The following TRMT44 variants were observed in gnomAD, a reference collection of about 807,000 sequenced individuals.
TRMT44 encodes tRNA methyltransferase 44 homolog.
A neutral mutation model predicts 77.3 loss-of-function variants in TRMT44; 78 were observed. That is an observed-to-expected ratio of 1.01 (90% CI 0.84 to 1.22). The LOEUF (loss-of-function observed/expected upper bound fraction) is 1.22. Ranked by LOEUF, TRMT44 falls within the 50% of genes most tolerant of loss-of-function variation. The probability of loss-of-function intolerance (pLI) is 0.00; values close to 1 mark genes in which losing one functional copy is unlikely to be tolerated. For synonymous variants in TRMT44, 391 were observed against 383.3 expected (o/e 1.02, Z -0.23); for missense variants, 1,090 against 964.4 (o/e 1.13, Z -1.73).
rs2109137110 is a variant in TRMT44 at position 8,461,184 on chromosome 4, CTTTG to C, written c.1204-2797_1204-2794del. On this transcript the variant is annotated intron_variant, in intron 6 of 10. Coordinates refer to ENST00000389737, the MANE Select transcript of TRMT44 (RefSeq NM_152544.3). The surrounding 1 kb of genome is among the most constrained non-coding windows in gnomAD (Gnocchi z 4.6). ...TCTTTGCTTGTACATTTACTCTTTGCTTTGTTTTACAGTGATTGGCAGTTGCTTG... is the reference window on the plus strand; with the variant it reads ...TCTTTGCTTGTACATTTACTCTTTGCTTTTACAGTGATTGGCAGTTGCTTG... Among the ~76,000 whole-genome samples, 1 of 152,258 alleles carries C rather than the reference CTTTG, an allele frequency of 6.6e-6. No individual in the cohort carries two copies. Among genetic ancestry groups the C allele is most frequent in the South Asian group, 2.1e-4 (1 of 4,826 alleles).
rs576561024 is a variant in TRMT44 at position 8,490,726 on chromosome 4, G to C, written n.3892-2540G>C. On this transcript the variant is annotated intron_variant and non_coding_transcript_variant, in intron 2 of 2. Coordinates refer to the TRMT44 transcript ENST00000511366. ...TTATTGCAAAGAGCGAAAGAACAAA[G>C]CTTCCACAGTGTGGAAGGGGCCCCG... 2.0e-5 allele frequency among the ~76,000 whole-genome samples: 3 copies of C among 152,290 alleles called. No individual in the cohort carries two copies. The East Asian group carries it at 5.8e-4, about 29-fold the overall frequency.
At chr4:8,466,867 G>A (rs529424445) in intron 8 of TRMT44, among the ~76,000 whole-genome samples, 1 of 152,320 alleles carries the variant, frequency 6.6e-6, no homozygotes, top group Admixed American at 6.5e-5. Flanking sequence ...CACATGTCTG[G>A]TGGGGACTGG....
At chr4:8,512,825 T>C in the TRMT44 span, among the ~76,000 whole-genome samples, 2 of 152,258 alleles carry the variant, frequency 1.3e-5, no homozygotes, top group African/African-American at 4.8e-5. Context: ...AATATGTCTG[T>C]TATTACTGCC....
chr4:8,460,048 T>C (rs1271930787), intron 6 of TRMT44, among the ~76,000 whole-genome samples: 1 of 152,220 alleles, frequency 6.6e-6, no homozygotes, highest in African/African-American at 2.4e-5. Context: ...ACTAGAGCCA[T>C]GTGACCGTGG....
Position 8,467,914 on chromosome 4 carries a change from G to A in TRMT44, c.1495G>A (p.Val499Ile), listed in dbSNP as rs766614097. Residue 499 changes from valine to isoleucine, a missense_variant and splice_region_variant, in exon 9 of 11, where the codon GTC becomes ATC. Val to Ile is a conservative substitution (Grantham distance 29, BLOSUM62 3). Transcript: ENST00000389737. ...CTTGCTTTGCTTTCTTCAAACGCAG[G>A]TCTGTCTCGTTGGAAAATCCAGAAC... ...DCLRIPSTKR[V>I]CLVGKSRTYP... 17 of 1,599,156 alleles carry A rather than the reference G, an allele frequency of 1.1e-5. No individual in the cohort carries two copies. Among genetic ancestry groups the A allele is most frequent in the Non-Finnish European group, 1.4e-5 (16 of 1,169,662 alleles).
intron 6 of TRMT44, among the ~76,000 whole-genome samples, chr4:8,455,358 G>A (rs1490210741): frequency 6.6e-6 from 1 of 152,244 alleles, no homozygotes; most frequent in South Asian, 2.1e-4. Context: ...GCACCCCCAT[G>A]AGCAAGTGGA....
At chr4:8,459,790 T>C (rs2631749) in intron 6 of TRMT44, among the ~76,000 whole-genome samples, 80,833 of 151,948 alleles carry the variant, frequency 0.53, 22,162 homozygotes, top group African/African-American at 0.66. Context: ...GCTGACGATT[T>C]AACAGTGACA....
intron 2 of TRMT44, among the ~76,000 whole-genome samples, chr4:8,492,644 G>A (rs943342467): frequency 2.6e-5 from 4 of 152,082 alleles, no homozygotes; most frequent in Non-Finnish European, 5.9e-5. Context: ...TAGCTACTAC[G>A]ATTAAAAAGC....
chr4:8,495,941 C>G (rs112131936), downstream of TRMT44, among the ~76,000 whole-genome samples: 3 of 152,208 alleles, frequency 2.0e-5, no homozygotes, highest in African/African-American at 4.8e-5. Flanking sequence ...TGGGCGGGGC[C>G]TATTCATTCT....
the TRMT44 span, among the ~76,000 whole-genome samples, chr4:8,501,323 C>G: frequency 1.3e-5 from 2 of 152,080 alleles, no homozygotes; most frequent in Non-Finnish European, 2.9e-5. The surrounding 1 kb of genome is among the most constrained non-coding windows in gnomAD (Gnocchi z 4.4). Flanking sequence ...CCCTGCAGTT[C>G]GAAGTCTGAG....
intron 1 of TRMT44, 116 bp downstream of exon 1, chr4:8,441,557 G>C: frequency 7.9e-7 from 1 of 1,271,668 alleles, no homozygotes. Context: ...TAGGGAGGTT[G>C]TTAGGTGTTT....
intron 3 of TRMT44, among the ~76,000 whole-genome samples, chr4:8,450,995 A>AGGCTGTTCTTGAACTCCT (rs201893942): frequency 0.016 from 2,402 of 152,046 alleles, 16 homozygotes; most frequent in Middle Eastern, 0.037. Flanking sequence ...CATGTTTCCC[A>AGGCTGTTCTTGAACTCCT]GGGCTCAAGT....
the TRMT44 span, among the ~76,000 whole-genome samples, chr4:8,501,484 A>G: frequency 6.6e-6 from 1 of 152,060 alleles, no homozygotes; most frequent in Non-Finnish European, 1.5e-5. This position sits in a 1 kb window ranked among gnomAD's most constrained non-coding sequence, Gnocchi z 4.4. Flanking sequence ...AAAAATGGGG[A>G]TGAGGATAAT....
rs1240217161 is a variant in TRMT44 at position 8,452,853 on chromosome 4, G to C, written c.1024-29G>C. 7.3e-7 allele frequency: 1 copy of C among 1,372,594 alleles called. No homozygotes were observed. Among genetic ancestry groups the C allele is most frequent in the African/African-American group, 1.5e-5 (1 of 68,456 alleles). The allele number at this position is 1,372,594 out of a possible 1,614,324, so 85.0% of individuals were successfully genotyped here. On this transcript the variant is annotated intron_variant, in intron 4 of 10. Transcript: ENST00000389737. This position sits in a 1 kb window ranked among gnomAD's most constrained non-coding sequence, Gnocchi z 5.7. ...TCTTGCGTAGAGTGAATTACCACCT[G>C]ACTTTGTTTTGTTTTTCTCTTCACT...
chr4:8,486,024 A>C (rs1727792685), intron 2 of TRMT44, among the ~76,000 whole-genome samples: 2 of 152,192 alleles, frequency 1.3e-5, no homozygotes, highest in Admixed American at 6.5e-5. Flanking sequence ...TTCCAAGGTG[A>C]TCGGGCAGCG....
chr4:8,453,004 C>T lies in TRMT44; in HGVS notation c.1131+15C>T. 1 of 1,444,266 alleles carries T rather than the reference C, an allele frequency of 6.9e-7. No individual in the cohort carries two copies. Among genetic ancestry groups the T allele is most frequent in the Non-Finnish European group, 9.2e-7 (1 of 1,088,378 alleles). 89.5% of individuals were successfully genotyped at this position (1,444,266 alleles called of 1,614,324 possible). ...GCAGTGAGGGGGTAAGGCCCGGCTC[C>T]ATCACCTTTTCTGGTAACTTGTCCA... On this transcript the variant is annotated intron_variant, in intron 5 of 10. Transcript: ENST00000389737.
At chr4:8,499,368 C>T in the TRMT44 span, among the ~76,000 whole-genome samples, 2 of 152,162 alleles carry the variant, frequency 1.3e-5, no homozygotes, top group Admixed American at 6.5e-5. Flanking sequence ...GCTGCCAAAC[C>T]GCAGCCTGCC....
At chr4:8,510,546 A>G in the TRMT44 span, 108 of 152,942 alleles carry the variant, frequency 7.1e-4, no homozygotes, top group Non-Finnish European at 1.1e-3. Flanking sequence ...GCACTGGGAT[A>G]TCTTGGGTGA....
rs1290877610 is a variant in TRMT44 at position 8,452,580 on chromosome 4, C to A, written c.1024-302C>A. On this transcript the variant is annotated intron_variant, in intron 4 of 10. Transcript: ENST00000389737. This position sits in a 1 kb window ranked among gnomAD's most constrained non-coding sequence, Gnocchi z 5.7. ...TGAAACCCTGTCTCTACTAAAAATACAAAATTAGCCAGGCGTGGTGGCAGG... is the reference window on the plus strand; with the variant it reads ...TGAAACCCTGTCTCTACTAAAAATAAAAAATTAGCCAGGCGTGGTGGCAGG... Among the ~76,000 whole-genome samples the A allele has an allele frequency of 6.6e-6, 1 of 152,008 alleles. No homozygotes were observed. Among genetic ancestry groups the A allele is most frequent in the East Asian group, 1.9e-4 (1 of 5,170 alleles).
Sources: allele counts gnomAD v4.1 joint callset (sites outside exome capture counted in the v4.1 genomes callset), GRCh38; gene constraint gnomAD v4.1.1; non-coding constraint Gnocchi (gnomAD v3.1); transcripts MANE v1.5; gene names NCBI Gene and HGNC (gene_info 2026-07-23, HGNC 2026-07-21).